The following PPM1H variants were observed in gnomAD, a reference collection of about 807,000 sequenced individuals.
The protein encoded by PPM1H is protein phosphatase, Mg2+/Mn2+ dependent 1H, also known as protein phosphatase 1H.
In PPM1H, 27 loss-of-function variants were observed where a neutral mutation model predicts 54.9. The ratio of observed to expected loss-of-function variants is 0.49; its 90% CI spans 0.36 to 0.68. The LOEUF (loss-of-function observed/expected upper bound fraction) is 0.68, where lower values mean the gene tolerates loss of function less well. PPM1H is among the 30% of genes least tolerant of loss of function. PPM1H has a pLI of 0.00. For synonymous variants in PPM1H, 305 were observed against 270.8 expected (o/e 1.13, Z -1.24); for missense variants, 596 against 667.8 (o/e 0.89, Z 1.19).
intron 5 of PPM1H, among the ~76,000 whole-genome samples, chr12:62,734,938 A>C (rs2076342834): frequency 6.6e-6 from 1 of 152,148 alleles, no homozygotes; most frequent in African/African-American, 2.4e-5. Flanking sequence ...CTAGCTAAAC[A>C]GAGGCTGAGG....
At chr12:62,783,976 G>A (rs188739029) in intron 4 of PPM1H, among the ~76,000 whole-genome samples, 198 of 152,316 alleles carry the variant, frequency 1.3e-3, no homozygotes, top group African/African-American at 4.6e-3. Flanking sequence ...CAAACACAAT[G>A]GGTGATAGTT....
At chr12:62,700,886 C>G (rs572503881) in intron 6 of PPM1H, among the ~76,000 whole-genome samples, 3 of 152,290 alleles carry the variant, frequency 2.0e-5, no homozygotes, top group Admixed American at 6.5e-5. Context: ...AACATTGTTC[C>G]TGTCCCCCAA....
chr12:62,763,154 T>C (rs971094667), intron 4 of PPM1H, among the ~76,000 whole-genome samples: 1 of 152,092 alleles, frequency 6.6e-6, no homozygotes, highest in African/African-American at 2.4e-5. Flanking sequence ...AAGCAAATGG[T>C]CTTTTCAGGT....
At chr12:62,769,583 G>A (rs1038353191) in intron 4 of PPM1H, among the ~76,000 whole-genome samples, 3 of 152,200 alleles carry the variant, frequency 2.0e-5, no homozygotes, top group African/African-American at 7.2e-5. Flanking sequence ...TCTTCTATGG[G>A]CAAAGGCAAT....
At chr12:62,697,222 G>A (rs1463214068) in intron 6 of PPM1H, among the ~76,000 whole-genome samples, 1 of 151,812 alleles carries the variant, frequency 6.6e-6, no homozygotes. Flanking sequence ...TGCCTCCCAG[G>A]TCCAAGCGAT....
At chr12:62,826,341 C>T (rs188885579) in intron 2 of PPM1H, among the ~76,000 whole-genome samples, 1 of 152,258 alleles carries the variant, frequency 6.6e-6, no homozygotes, top group East Asian at 1.9e-4. Flanking sequence ...CCCAGCTACT[C>T]AGGAGGATGA....
At chr12:62,707,505 T>A (rs1319672134) in intron 6 of PPM1H, among the ~76,000 whole-genome samples, 1 of 152,186 alleles carries the variant, frequency 6.6e-6, no homozygotes, top group Non-Finnish European at 1.5e-5. Context: ...GTTATTCATA[T>A]CCATTGTAAC....
chr12:62,728,195 C>T (rs1003710863), intron 5 of PPM1H, among the ~76,000 whole-genome samples: 6 of 152,116 alleles, frequency 3.9e-5, no homozygotes, highest in Admixed American at 3.9e-4. Context: ...ATGCAAGTAA[C>T]CAAGACTCTT....
chr12:62,872,564 A>G (rs1360904977), intron 1 of PPM1H, among the ~76,000 whole-genome samples: 3 of 152,238 alleles, frequency 2.0e-5, no homozygotes, highest in East Asian at 1.9e-4. Flanking sequence ...TTCTAGCTCA[A>G]TCTCTCTATA....
At chr12:62,708,785 G>A (rs1009390806) in intron 6 of PPM1H, among the ~76,000 whole-genome samples, 1 of 152,136 alleles carries the variant, frequency 6.6e-6, no homozygotes, top group Non-Finnish European at 1.5e-5. Context: ...GGTATATTGT[G>A]TGATGCTAAG....
intron 4 of PPM1H, among the ~76,000 whole-genome samples, chr12:62,765,739 G>A (rs1193246836): frequency 3.9e-5 from 6 of 152,150 alleles, no homozygotes; most frequent in African/African-American, 1.4e-4. Flanking sequence ...TGTCTGCCTG[G>A]GATGGGATGG....
chr12:62,735,917 T>C (rs890639225), intron 5 of PPM1H, among the ~76,000 whole-genome samples: 6 of 152,100 alleles, frequency 3.9e-5, no homozygotes, highest in African/African-American at 1.4e-4. Context: ...GGAAGGTAGT[T>C]CTCTGTGGCT....
chr12:62,889,356 C>T (rs1870702495), intron 1 of PPM1H, among the ~76,000 whole-genome samples: 1 of 152,106 alleles, frequency 6.6e-6, no homozygotes, highest in Non-Finnish European at 1.5e-5. Context: ...CTGACACTAC[C>T]TGACTTCAAG....
Position 62,644,035 on chromosome 12 carries a change from A to T in PPM1H, c.*4454T>A, listed in dbSNP as rs2075772537. ...ATATAATATTTTATTTTAAAATGTC[A>T]TTGAACATATACATTTCTTTAGCTT... On this transcript the variant is annotated 3_prime_UTR_variant, in exon 10 of 10. Transcript: ENST00000228705. The T allele has an allele frequency of 6.6e-6, 1 of 152,230 alleles. No individual in the cohort carries two copies. The highest frequency in any genetic ancestry group is 1.5e-5 in the Non-Finnish European group (1 of 68,040). The allele number at this position is 152,230 out of a possible 1,614,324, so 9.4% of individuals were successfully genotyped here.
At chr12:62,846,809 G>A (rs1868988858) in intron 1 of PPM1H, among the ~76,000 whole-genome samples, 1 of 152,170 alleles carries the variant, frequency 6.6e-6, no homozygotes, top group African/African-American at 2.4e-5. Flanking sequence ...AGACTGCAGT[G>A]TAACCAGTAA....
chr12:62,761,656 A>G (rs1448166925), intron 4 of PPM1H, among the ~76,000 whole-genome samples: 1 of 152,182 alleles, frequency 6.6e-6, no homozygotes, highest in African/African-American at 2.4e-5. Flanking sequence ...CCATAAAAAA[A>G]GGGATGGAGA....
chr12:62,845,914 A>G (rs755686828), intron 1 of PPM1H, among the ~76,000 whole-genome samples: 4 of 152,062 alleles, frequency 2.6e-5, no homozygotes, highest in Non-Finnish European at 5.9e-5. Context: ...GTCTTAGTGG[A>G]CAAAGAATTC....
intron 1 of PPM1H, among the ~76,000 whole-genome samples, chr12:62,847,879 G>A (rs552036928): frequency 3.3e-5 from 5 of 152,128 alleles, no homozygotes; most frequent in South Asian, 2.1e-4. Context: ...CCTGGGATGC[G>A]GAAGGACTCA....
At chr12:62,855,179 G>A (rs1869337627) in intron 1 of PPM1H, among the ~76,000 whole-genome samples, 1 of 152,168 alleles carries the variant, frequency 6.6e-6, no homozygotes, top group Non-Finnish European at 1.5e-5. Flanking sequence ...CACTATTCTG[G>A]TTTTAGTGCT....
Sources: allele counts gnomAD v4.1 joint callset (sites outside exome capture counted in the v4.1 genomes callset), GRCh38; gene constraint gnomAD v4.1.1; transcripts MANE v1.5; gene names NCBI Gene and HGNC (gene_info 2026-07-23, HGNC 2026-07-21).